Variants in UGT1A4 observed in about 807,000 individuals in gnomAD.
The protein encoded by UGT1A4 is UDP glucuronosyltransferase family 1 member A4, also known as UDP-glucuronosyltransferase 1A4.
Under a neutral mutation model 41.1 loss-of-function variants are expected in UGT1A4, and 32 were observed. The observed-to-expected ratio is 0.78, with a 90% CI of 0.59 to 1.05. The LOEUF is 1.05. Among genes scored for constraint, UGT1A4 ranks in the 50% least tolerant of loss-of-function variants. UGT1A4 has a pLI of 0.00. For synonymous variants in UGT1A4, 283 were observed against 265.1 expected (o/e 1.07, Z -0.66); for missense variants, 748 against 677.4 (o/e 1.10, Z -1.16).
intron 1 of UGT1A4, chr2:233,754,687 C>T: frequency 2.1e-6 from 1 of 485,706 alleles, no homozygotes; most frequent in South Asian, 1.5e-5. Context: ...TCAACTATTT[C>T]AGTGGAAGTC....
intron 2 of UGT1A4, among the ~76,000 whole-genome samples, 198 bp downstream of exon 2, chr2:233,767,363 TTAAA>T (rs1699378447): frequency 6.6e-6 from 1 of 152,194 alleles, no homozygotes; most frequent in African/African-American, 2.4e-5. Context: ...AAATACTCTA[TTAAA>T]CTATGATCCA....
intron 1 of UGT1A4, among the ~76,000 whole-genome samples, chr2:233,737,582 C>T (rs532884650): frequency 6.6e-6 from 1 of 152,312 alleles, no homozygotes; most frequent in Non-Finnish European, 1.5e-5. Context: ...CAACCAGTCC[C>T]AATGAGATGA....
At chr2:233,733,104 CTGTT>C (rs892202373) in intron 1 of UGT1A4, among the ~76,000 whole-genome samples, 2 of 152,132 alleles carry the variant, frequency 1.3e-5, no homozygotes, top group African/African-American at 4.8e-5. Context: ...TGGTTTGGCT[CTGTT>C]TGTCTGTTAT....
intron 1 of UGT1A4, among the ~76,000 whole-genome samples, chr2:233,720,300 G>A (rs2076846492): frequency 6.6e-6 from 1 of 152,266 alleles, no homozygotes. Context: ...GGAGTTGGGG[G>A]TCTGGTGTAT....
In UGT1A4 at chr2:233,768,392, T is replaced by G. The variant is rs761552961; in HGVS notation, c.1260T>G (p.Thr420=). The G allele has an allele frequency of 1.2e-6, 2 of 1,614,156 alleles. No homozygotes were observed. Among genetic ancestry groups the G allele is most frequent in the Non-Finnish European group, 1.7e-6 (2 of 1,180,042 alleles). Residue 420 remains threonine, a synonymous_variant, in exon 4 of 5, where the codon ACT becomes ACG. Coordinates refer to ENST00000373409, the MANE Select transcript of UGT1A4 (RefSeq NM_007120.3). Reference sequence around the variant, plus strand: ...TGACCCTGAATGTTCTGGAAATGACTTCTGAAGATTTAGAAAATGCTCTAA... The same window carrying G: ...TGACCCTGAATGTTCTGGAAATGACGTCTGAAGATTTAGAAAATGCTCTAA... ...AGVTLNVLEM[T]SEDLENALKA...
At position 233,734,360 on chromosome 2, in the gene UGT1A4, C is replaced by T. The variant is rs565800937; in HGVS notation, c.867+14673C>T. Among the ~76,000 whole-genome samples the T allele has an allele frequency of 6.9e-4, 105 of 152,192 alleles. No individual in the cohort carries two copies. In the South Asian group the frequency reaches 0.014, roughly 20 times the overall value. ...ATGGTAGTTTGTATTTCTGTGGGAT[C>T]GGTGGTGATATTGCCTTTACTATTT... is the stretch of plus-strand genomic sequence containing the variant. On this transcript the variant is annotated intron_variant, in intron 1 of 4. Coordinates refer to ENST00000373409, the MANE Select transcript of UGT1A4 (RefSeq NM_007120.3).
chr2:233,768,582 C>CTTTTTTTTTT (rs139595073), intron 4 of UGT1A4, 143 bp downstream of exon 4: 1 of 867,188 alleles, frequency 1.2e-6, no homozygotes, highest in Non-Finnish European at 1.4e-6. Flanking sequence ...TTTATTTCTT[C>CTTTTTTTTTT]TTTTTTTTTT....
At chr2:233,768,057 G>A in intron 3 of UGT1A4, 121 bp downstream of exon 3, 2 of 1,602,426 alleles carry the variant, frequency 1.2e-6, no homozygotes, top group Non-Finnish European at 1.7e-6. Flanking sequence ...ATCCTACATT[G>A]CTTTTTATCT....
chr2:233,760,219 C>T (rs2125980617), intron 1 of UGT1A4: 1 of 1,593,340 alleles, frequency 6.3e-7, no homozygotes, highest in Non-Finnish European at 8.5e-7. Flanking sequence ...CTTGGTGTAT[C>T]GATTGGTTTT....
chr2:233,744,723 G>C (rs187577100), intron 1 of UGT1A4, among the ~76,000 whole-genome samples: 1 of 151,758 alleles, frequency 6.6e-6, no homozygotes, highest in African/African-American at 2.4e-5. Context: ...AGAGAATGAC[G>C]GTGAAAAAAT....
At chr2:233,741,284 A>G (rs1443656037) in intron 1 of UGT1A4, among the ~76,000 whole-genome samples, 2 of 151,828 alleles carry the variant, frequency 1.3e-5, no homozygotes, top group South Asian at 2.1e-4. Flanking sequence ...AATGGGATTT[A>G]TGTACCCAAT....
chr2:233,767,903 C>T lies in UGT1A4; in HGVS notation c.1054C>T (p.Leu352Phe), dbSNP rs549391527. 1 of 1,614,178 alleles carries T rather than the reference C, an allele frequency of 6.2e-7. No homozygotes were observed. Among genetic ancestry groups the T allele is most frequent in the Admixed American group, 1.7e-5 (1 of 60,018 alleles). Residue 352 changes from leucine to phenylalanine, a missense_variant, in exon 3 of 5, where the codon CTT becomes TTT. Coordinates refer to ENST00000373409, the MANE Select transcript of UGT1A4 (RefSeq NM_007120.3). ...ATCGAATCTTGCGAACAACACGATA[C>T]TTGTTAAGTGGCTACCCCAAAACGA... Reference protein sequence around the residue: ...RPSNLANNTILVKWLPQNDLL... With the variant: ...RPSNLANNTIFVKWLPQNDLL...
chr2:233,743,852 G>C (rs770873874), intron 1 of UGT1A4: 2 of 1,367,108 alleles, frequency 1.5e-6, no homozygotes, highest in East Asian at 9.1e-5. Context: ...CTTGCGGTAC[G>C]CCTTCTTGAT....
At chr2:233,771,009 A>G (rs1251253785) in intron 4 of UGT1A4, 3 of 152,198 alleles carry the variant, frequency 2.0e-5, no homozygotes, top group Non-Finnish European at 4.4e-5. Flanking sequence ...TGGCAAAAGC[A>G]GGAGCGAGAG....
intron 1 of UGT1A4, chr2:233,729,268 T>G (rs760988573): frequency 3.1e-5 from 50 of 1,613,984 alleles, no homozygotes; most frequent in Non-Finnish European, 3.5e-5. Context: ...GCGGGAGGTC[T>G]TGCGGGAGCT....
chr2:233,757,296 G>T (rs1428870685), intron 1 of UGT1A4, among the ~76,000 whole-genome samples: 51 of 129,586 alleles, frequency 3.9e-4, no homozygotes, highest in African/African-American at 1.4e-3. Flanking sequence ...ACAGCTGGGG[G>T]TTGGGGGACA....
intron 1 of UGT1A4, among the ~76,000 whole-genome samples, chr2:233,728,930 G>T (rs144892248): frequency 2.1e-5 from 3 of 145,550 alleles, no homozygotes; most frequent in Non-Finnish European, 4.4e-5. Flanking sequence ...GTCATGATCG[G>T]TCTTTTCCAG....
intron 1 of UGT1A4, among the ~76,000 whole-genome samples, chr2:233,737,541 G>A (rs576280713): frequency 6.6e-6 from 1 of 152,104 alleles, no homozygotes; most frequent in African/African-American, 2.4e-5. Flanking sequence ...GCCCTGCTTC[G>A]GCTTGCCCTC....
At chr2:233,726,846 T>A (rs970892928) in intron 1 of UGT1A4, among the ~76,000 whole-genome samples, 3 of 152,320 alleles carry the variant, frequency 2.0e-5, no homozygotes, top group Admixed American at 6.5e-5. Flanking sequence ...TTTTTGTTCC[T>A]TTTCTCCATA....
Sources: gnomAD v4.1 joint callset for allele counts (sites outside exome capture counted in the v4.1 genomes callset) on GRCh38, gnomAD v4.1.1 for gene constraint, MANE v1.5 for transcripts, NCBI Gene and HGNC (gene_info 2026-07-23, HGNC 2026-07-21) for gene names.